The following ASPH variants were observed in gnomAD, a reference collection of about 807,000 sequenced individuals.
ASPH encodes the protein aspartyl/asparaginyl beta-hydroxylase.
ASPH carries 100 observed loss-of-function variants against 118.4 expected under a neutral mutation model. The observed-to-expected ratio is 0.84, with a 90% CI of 0.72 to 1.00. The LOEUF is 1.00. Ranked by LOEUF, ASPH falls within the 50% of genes least tolerant of loss-of-function variation. The probability of loss-of-function intolerance (pLI) is 0.00; values close to 1 mark genes in which losing one functional copy is unlikely to be tolerated. For synonymous variants in ASPH, 315 were observed against 325.6 expected (o/e 0.97, Z 0.35); for missense variants, 920 against 919.5 (o/e 1.00, Z -0.01).
chr8:61,566,375 A>G (rs2131666841), intron 17 of ASPH, among the ~76,000 whole-genome samples: 1 of 152,324 alleles, frequency 6.6e-6, no homozygotes, highest in East Asian at 1.9e-4. Context: ...ACTTTAATAG[A>G]TGAGTAGTTG....
chr8:61,714,281 C>T lies in ASPH; in HGVS notation c.91G>A (p.Gly31Arg), dbSNP rs1265564823. The T allele has an allele frequency of 2.0e-6, 3 of 1,518,140 alleles. No individual in the cohort carries two copies. The highest frequency in any genetic ancestry group is 2.1e-5 in the Admixed American group (1 of 48,084). 94.0% of individuals were successfully genotyped at this position (1,518,140 alleles called of 1,614,324 possible). ...GSTSAGSSSPGARRETKHGGH... is the reference protein window; with the variant it reads ...GSTSAGSSSPRARRETKHGGH... ...CAGGGCCTCTGACCTCTCCGGGCCC[C>T]GGGGCTGCTGCTGCCCGCACTCGTG... Residue 31 changes from glycine (G) to arginine (R), a missense_variant, in exon 1 of 25, where the codon GGG becomes AGG. Physicochemically the swap from Gly to Arg is moderately radical, Grantham distance 125. Coordinates refer to ENST00000379454, the MANE Select transcript of ASPH (RefSeq NM_004318.4).
chr8:61,705,877 T>C (rs1836487533), intron 1 of ASPH, among the ~76,000 whole-genome samples: 1 of 152,196 alleles, frequency 6.6e-6, no homozygotes, highest in African/African-American at 2.4e-5. Flanking sequence ...TCGAAAGGCA[T>C]GAAAGAATAA....
intron 13 of ASPH, chr8:61,632,799 T>A (rs1159952731): frequency 4.9e-6 from 1 of 204,212 alleles, no homozygotes; most frequent in Non-Finnish European, 1.0e-5. Context: ...TGAAATTTAG[T>A]ATTTAATAAA....
intron 24 of ASPH, among the ~76,000 whole-genome samples, chr8:61,506,393 T>C (rs927739481): frequency 1.3e-5 from 2 of 152,142 alleles, no homozygotes; most frequent in East Asian, 1.9e-4. Flanking sequence ...GTTTTGAGGA[T>C]AGATCATGTT....
At chr8:61,640,641 T>C (rs1158506354) in intron 10 of ASPH, among the ~76,000 whole-genome samples, 6 of 152,220 alleles carry the variant, frequency 3.9e-5, no homozygotes, top group African/African-American at 1.4e-4. Flanking sequence ...TACAGTGAAA[T>C]TGCTTGTTTA....
chr8:61,590,973 A>T (rs1308057815), intron 14 of ASPH, among the ~76,000 whole-genome samples: 1 of 152,066 alleles, frequency 6.6e-6, no homozygotes, highest in African/African-American at 2.4e-5. Flanking sequence ...TACTATACTC[A>T]TTACTATTTC....
intron 14 of ASPH, among the ~76,000 whole-genome samples, chr8:61,590,017 C>A (rs1199232130): frequency 6.6e-6 from 1 of 151,826 alleles, no homozygotes; most frequent in Admixed American, 6.6e-5. Context: ...GGAATTTGAA[C>A]CTTTATTGTT....
rs1827745066 is a variant in ASPH at position 61,556,036 on chromosome 8, A to C, written c.1438-14T>G. 7.5e-6 allele frequency: 12 copies of C among 1,609,762 alleles called. No individual in the cohort carries two copies. Among genetic ancestry groups the C allele is most frequent in the South Asian group, 1.1e-5 (1 of 90,658 alleles). On this transcript the variant is annotated splice_polypyrimidine_tract_variant and intron_variant, in intron 18 of 24. Coordinates refer to ENST00000379454, the MANE Select transcript of ASPH (RefSeq NM_004318.4). ...CACACTCAGCACCTAAACTCAAAGA[A>C]AACACAGAACATAACTCAAAGAAAA...
At chr8:61,649,626 A>C (rs1809854991) in intron 5 of ASPH, among the ~76,000 whole-genome samples, 1 of 152,102 alleles carries the variant, frequency 6.6e-6, no homozygotes, top group Non-Finnish European at 1.5e-5. Flanking sequence ...GCTAGACTTG[A>C]CTACTTCCCT....
At chr8:61,620,653 T>A (rs890832477) in intron 13 of ASPH, among the ~76,000 whole-genome samples, 3 of 152,170 alleles carry the variant, frequency 2.0e-5, no homozygotes, top group South Asian at 2.1e-4. Flanking sequence ...ACATTTGTAG[T>A]CATCGGAGAT....
At chr8:61,514,124 G>T (rs1027763332) in intron 24 of ASPH, among the ~76,000 whole-genome samples, 2 of 152,026 alleles carry the variant, frequency 1.3e-5, no homozygotes, top group African/African-American at 4.8e-5. Context: ...GGAGGCCCAT[G>T]CCACCATGCC....
chr8:61,714,377 G>A lies in ASPH; in HGVS notation c.-6C>T. 1 of 1,501,446 alleles carries A rather than the reference G, an allele frequency of 6.7e-7. No homozygotes were observed. The highest frequency in any genetic ancestry group is 2.8e-5 in the East Asian group (1 of 35,664). 93.0% of individuals were successfully genotyped at this position (1,501,446 alleles called of 1,614,324 possible). On this transcript the variant is annotated 5_prime_UTR_variant, in exon 1 of 25. Coordinates refer to ENST00000379454, the MANE Select transcript of ASPH (RefSeq NM_004318.4). ...GCATTCTTACGCTGGGCCATTGCAC[G>A]GTCCGCGGGGGCTGGTGAGGGCTGG...
chr8:61,576,796 T>C lies in ASPH; in HGVS notation c.1125A>G (p.Pro375=), dbSNP rs1365045485. The C allele has an allele frequency of 6.2e-7, 1 of 1,609,798 alleles. No individual in the cohort carries two copies. The highest frequency in any genetic ancestry group is 1.3e-5 in the African/African-American group (1 of 74,916). Residue 375 remains proline, a synonymous_variant, in exon 16 of 25, where the codon CCA becomes CCG. Transcript: ENST00000379454. ...KELVRKYPQS[P]RARYGKAQCE... is the part of the protein sequence containing the mutation. The stretch of plus-strand genomic sequence containing the variant: ...CCTGCGCCTTCCCATATCTTGCTCG[T>C]GGACTCTGAGGGTATTTGCGTACTA...
chr8:61,685,201 G>A (rs1388619966), intron 1 of ASPH, among the ~76,000 whole-genome samples: 1 of 152,070 alleles, frequency 6.6e-6, no homozygotes, highest in East Asian at 1.9e-4. Context: ...CTGTGCACCT[G>A]TTCCTCACAT....
chr8:61,561,846 T>C (rs1183525231), intron 18 of ASPH, among the ~76,000 whole-genome samples: 1 of 152,204 alleles, frequency 6.6e-6, no homozygotes, highest in East Asian at 1.9e-4. Context: ...GAGGATTGCT[T>C]GAGTCCGGGA....
rs569508029 is a variant in ASPH at position 61,650,554 on chromosome 8, C to T, written c.490+496G>A. Among the ~76,000 whole-genome samples, 201 of 152,250 alleles carry T rather than the reference C, an allele frequency of 1.3e-3. 1 individual carries two copies. Among genetic ancestry groups the T allele is most frequent in the Admixed American group, 2.6e-3 (39 of 15,294 alleles). On this transcript the variant is annotated intron_variant, in intron 5 of 24. Transcript: ENST00000379454. ...ACTTAGTATCCTCTACACAGAGCTC[C>T]CCATGAAAAATTTTTAAATTTAAGT... is the stretch of plus-strand genomic sequence containing the variant.
intron 14 of ASPH, among the ~76,000 whole-genome samples, chr8:61,609,184 G>C (rs757425868): frequency 6.6e-6 from 1 of 152,150 alleles, no homozygotes. Context: ...GACGTGGCAG[G>C]GCTAGCGACG....
intron 3 of ASPH, chr8:61,675,230 T>G (rs1373135809): frequency 2.6e-6 from 2 of 780,162 alleles, no homozygotes; most frequent in Non-Finnish European, 3.1e-6. Flanking sequence ...ATTAATAAGT[T>G]AATGAAGGAA....
At chr8:61,685,027 T>C (rs1829876148) in intron 1 of ASPH, among the ~76,000 whole-genome samples, 1 of 152,090 alleles carries the variant, frequency 6.6e-6, no homozygotes, top group African/African-American at 2.4e-5. Context: ...GAAAAGTTTA[T>C]CAAACAGATG....
Sources: gnomAD v4.1 joint callset for allele counts (sites outside exome capture counted in the v4.1 genomes callset) on GRCh38, gnomAD v4.1.1 for gene constraint, MANE v1.5 for transcripts, NCBI Gene and HGNC (gene_info 2026-07-23, HGNC 2026-07-21) for gene names.